Variants in ZNF503 observed in about 807,000 individuals in gnomAD.
ZNF503 encodes the protein NocA-like zinc finger 2.
A neutral mutation model predicts 34.4 loss-of-function variants in ZNF503; 15 were observed. That is an observed-to-expected ratio of 0.44 (90% CI 0.29 to 0.67). ZNF503 has a LOEUF of 0.67. Among genes scored for constraint, ZNF503 ranks in the 30% least tolerant of loss-of-function variants. The pLI is 0.13. For synonymous variants in ZNF503, 580 were observed against 456.8 expected (o/e 1.27, Z -3.44); for missense variants, 1,007 against 926.8 (o/e 1.09, Z -1.12).
chr10:75,379,956 A>G, the ZNF503 span, among the ~76,000 whole-genome samples: 1 of 152,086 alleles, frequency 6.6e-6, no homozygotes, highest in Non-Finnish European at 1.5e-5. Flanking sequence ...CACGCCACAC[A>G]CCCACAGCAT....
the ZNF503 span, among the ~76,000 whole-genome samples, chr10:75,377,514 T>C: frequency 6.6e-6 from 1 of 152,272 alleles, no homozygotes; most frequent in South Asian, 2.1e-4. Context: ...ATATGACACA[T>C]GCATGGGGTG....
At chr10:75,311,692 G>A in the ZNF503 span, among the ~76,000 whole-genome samples, 39 of 141,442 alleles carry the variant, frequency 2.8e-4, no homozygotes, top group East Asian at 4.1e-3. Context: ...AAAAAAAGCC[G>A]GAAGTGGTGG....
At chr10:75,373,252 A>C in the ZNF503 span, 2 of 152,356 alleles carry the variant, frequency 1.3e-5, no homozygotes, top group Non-Finnish European at 2.9e-5. Context: ...TGACTGGCAG[A>C]TGGAGGCACA....
At chr10:75,357,504 C>T in the ZNF503 span, among the ~76,000 whole-genome samples, 33 of 152,068 alleles carry the variant, frequency 2.2e-4, no homozygotes, top group Admixed American at 1.8e-3. Flanking sequence ...GGCAACAGAG[C>T]GAGACTCTGT....
At chr10:75,377,605 T>C in the ZNF503 span, among the ~76,000 whole-genome samples, 10 of 152,310 alleles carry the variant, frequency 6.6e-5, no homozygotes, top group Non-Finnish European at 1.5e-4. Flanking sequence ...GTGCCTCTAT[T>C]GAGTTCAATA....
the ZNF503 span, among the ~76,000 whole-genome samples, chr10:75,355,818 G>A: frequency 3.3e-5 from 5 of 152,182 alleles, no homozygotes; most frequent in African/African-American, 1.2e-4. Flanking sequence ...GGGAAGCTTT[G>A]TCTCTGCTCC....
the ZNF503 span, among the ~76,000 whole-genome samples, chr10:75,367,316 A>G: frequency 1.3e-5 from 2 of 152,026 alleles, no homozygotes; most frequent in African/African-American, 4.8e-5. Flanking sequence ...CGCACGGGAA[A>G]CTCTCTAACT....
chr10:75,333,579 C>A, the ZNF503 span, among the ~76,000 whole-genome samples: 23 of 58,016 alleles, frequency 4.0e-4, no homozygotes, highest in African/African-American at 1.5e-3. Flanking sequence ...GCTGGCCGGG[C>A]GGGGGGCTGA....
At chr10:75,323,817 A>G in the ZNF503 span, among the ~76,000 whole-genome samples, 1 of 152,082 alleles carries the variant, frequency 6.6e-6, no homozygotes, top group African/African-American at 2.4e-5. Flanking sequence ...CCTGGCCAAC[A>G]TGGTGAAACC....
chr10:75,396,604 A>G (rs962174569), downstream of ZNF503, among the ~76,000 whole-genome samples: 1 of 152,184 alleles, frequency 6.6e-6, no homozygotes, highest in Non-Finnish European at 1.5e-5. The surrounding 1 kb of genome is among the most constrained non-coding windows in gnomAD (Gnocchi z 4.4). Flanking sequence ...CGCGGCCGTG[A>G]GTCCCCAGAG....
Position 75,401,466 on chromosome 10 carries a change from G to A in ZNF503, c.-47C>T, listed in dbSNP as rs577402851. On this transcript the variant is annotated 5_prime_UTR_variant, in exon 1 of 2. Transcript: ENST00000372524. ...GCAGCGGGGGGGAGGGCTCCGGGAG[G>A]CGCGGGGCGGGCTCGGGGCTGCGCG... 3.5e-4 allele frequency: 525 copies of A among 1,503,932 alleles called. No homozygotes were observed. The highest frequency in any genetic ancestry group is 8.0e-4 in the Admixed American group (36 of 45,206). 93.2% of individuals were successfully genotyped at this position (1,503,932 alleles called of 1,614,324 possible).
chr10:75,329,419 C>CTTCCTTCCTTCCTTCCT, the ZNF503 span, among the ~76,000 whole-genome samples: 55 of 71,148 alleles, frequency 7.7e-4, no homozygotes, highest in African/African-American at 2.3e-3. Flanking sequence ...CCTTCCTTTC[C>CTTCCTTCCTTCCTTCCT]TTCCTTCCTT....
Position 75,398,791 on chromosome 10 carries a change from G to A in ZNF503, c.1899C>T (p.Tyr633=), listed in dbSNP as rs1257823460. The A allele has an allele frequency of 1.4e-6, 2 of 1,464,256 alleles. No individual in the cohort carries two copies. Among genetic ancestry groups the A allele is most frequent in the Non-Finnish European group, 1.8e-6 (2 of 1,113,170 alleles). 90.7% of individuals were successfully genotyped at this position (1,464,256 alleles called of 1,614,324 possible). Residue 633 remains tyrosine, a synonymous_variant, in exon 2 of 2, where the codon TAC becomes TAT. Transcript: ENST00000372524. ...CCGAGGCGGTGGTCAGTCTCTGTCC[G>A]TAGAGGGCGTAGGGGGAGTAGTACG... ...TGPYYSPYAL[Y]GQRLTTASAL...
At chr10:75,379,502 G>A in the ZNF503 span, among the ~76,000 whole-genome samples, 1 of 152,200 alleles carries the variant, frequency 6.6e-6, no homozygotes, top group Non-Finnish European at 1.5e-5. Flanking sequence ...CACAAAAGCT[G>A]GGGAAATGTC....
the ZNF503 span, among the ~76,000 whole-genome samples, chr10:75,353,893 G>A: frequency 1.3e-5 from 2 of 152,338 alleles, no homozygotes; most frequent in Non-Finnish European, 1.5e-5. Context: ...AGTGGAACAC[G>A]CATGACCACT....
In ZNF503 at chr10:75,401,354, TCCGCCGCCG is replaced by T. The variant is rs760375543; in HGVS notation, c.57_65del (p.Gly25_Gly27del). On this transcript the variant is annotated inframe_deletion, in exon 1 of 2. Coordinates refer to ENST00000372524, the MANE Select transcript of ZNF503 (RefSeq NM_032772.6). ...CAGGGTCTGCACCGCCGCCTCCGCC[TCCGCCGCCG>T]CCGCCGCCGCTGTGCTTACTGCTTC... 2.6e-6 allele frequency: 4 copies of T among 1,516,744 alleles called. No homozygotes were observed. The highest frequency in any genetic ancestry group is 3.5e-6 in the Non-Finnish European group (4 of 1,145,010). 94.0% of individuals were successfully genotyped at this position (1,516,744 alleles called of 1,614,324 possible).
At chr10:75,312,061 T>C in the ZNF503 span, among the ~76,000 whole-genome samples, 2 of 152,188 alleles carry the variant, frequency 1.3e-5, no homozygotes, top group Non-Finnish European at 2.9e-5. Context: ...TAATTGCTTA[T>C]GGAAGCATGT....
the ZNF503 span, chr10:75,295,588 G>T: frequency 6.6e-6 from 1 of 152,340 alleles, no homozygotes; most frequent in East Asian, 1.9e-4. This position sits in a 1 kb window ranked among gnomAD's most constrained non-coding sequence, Gnocchi z 4.0. Flanking sequence ...AAAGATTAAA[G>T]TGAAACCCCA....
the ZNF503 span, among the ~76,000 whole-genome samples, chr10:75,369,455 C>T: frequency 4.6e-5 from 7 of 152,114 alleles, no homozygotes; most frequent in Non-Finnish European, 5.9e-5. Context: ...GGGGCTTCCC[C>T]CTTCACTCGG....
Sources: gnomAD v4.1 joint callset for allele counts (sites outside exome capture counted in the v4.1 genomes callset) on GRCh38, gnomAD v4.1.1 for gene constraint, Gnocchi (gnomAD v3.1) non-coding constraint, MANE v1.5 for transcripts, NCBI Gene and HGNC (gene_info 2026-07-23, HGNC 2026-07-21) for gene names.